PCDH15: variants seen among roughly 807,000 people sequenced by gnomAD.
PCDH15 encodes the protein protocadherin related 15, also known as protocadherin-15.
Under a neutral mutation model 178.5 loss-of-function variants are expected in PCDH15, and 129 were observed. The ratio of observed to expected loss-of-function variants is 0.72; its 90% CI spans 0.63 to 0.84. The LOEUF (loss-of-function observed/expected upper bound fraction) is 0.84, where lower values mean the gene tolerates loss of function less well. Among genes scored for constraint, PCDH15 ranks in the 40% least tolerant of loss-of-function variants. The pLI, the probability that PCDH15 is intolerant of heterozygous loss-of-function variation, is 0.00. For missense variants in PCDH15, 2,230 were observed against 2,099.9 expected (o/e 1.06, Z -1.21); for synonymous variants, 800 against 732.0 (o/e 1.09, Z -1.50).
chr10:53,932,510 G>GT (rs1426889144), intron 25 of PCDH15, among the ~76,000 whole-genome samples: 1 of 152,132 alleles, frequency 6.6e-6, no homozygotes, highest in African/African-American at 2.4e-5. Context: ...TAAGGGCAGC[G>GT]TTTTTTACTG....
chr10:55,059,204 A>T (rs1224255737), intron 2 of PCDH15, among the ~76,000 whole-genome samples: 1 of 152,104 alleles, frequency 6.6e-6, no homozygotes, highest in Non-Finnish European at 1.5e-5. Context: ...GTGACTATAT[A>T]AAAAAAGGAG....
At chr10:55,598,375 A>C (rs542230272) in intron 2 of PCDH15, among the ~76,000 whole-genome samples, 2 of 151,538 alleles carry the variant, frequency 1.3e-5, no homozygotes, top group South Asian at 2.1e-4. Flanking sequence ...AGAGTACTAC[A>C]TGCAGCAGCT....
chr10:55,523,346 T>C (rs1841228183), intron 2 of PCDH15, among the ~76,000 whole-genome samples: 1 of 151,552 alleles, frequency 6.6e-6, no homozygotes, highest in African/African-American at 2.4e-5. Flanking sequence ...TTTTTTAAAG[T>C]CTTTAAATTA....
intron 2 of PCDH15, among the ~76,000 whole-genome samples, chr10:54,929,948 A>G (rs1801768728): frequency 6.6e-6 from 1 of 152,188 alleles, no homozygotes; most frequent in Admixed American, 6.5e-5. Flanking sequence ...TCTTCCGTGA[A>G]GTTTACTTTT....
intron 3 of PCDH15, among the ~76,000 whole-genome samples, chr10:54,386,258 T>C (rs1414128497): frequency 6.6e-6 from 1 of 150,464 alleles, no homozygotes; most frequent in Admixed American, 6.6e-5. Flanking sequence ...TGATAGCTGA[T>C]GAGTTACAAA....
chr10:54,382,583 A>G (rs1949377699), intron 3 of PCDH15, among the ~76,000 whole-genome samples: 1 of 152,174 alleles, frequency 6.6e-6, no homozygotes, highest in African/African-American at 2.4e-5. Context: ...ATGTGGTTAC[A>G]TAACATGAGA....
intron 3 of PCDH15, among the ~76,000 whole-genome samples, chr10:54,397,448 G>T (rs2050999): frequency 0.27 from 40,257 of 151,844 alleles, 6,472 homozygotes; most frequent in East Asian, 0.82. Flanking sequence ...TGTTTCAAAA[G>T]AACTGAGTTC....
intron 1 of PCDH15, among the ~76,000 whole-genome samples, chr10:54,766,518 TC>T (rs1373316361): frequency 6.6e-6 from 1 of 151,538 alleles, no homozygotes; most frequent in Non-Finnish European, 1.5e-5. Flanking sequence ...AAATTTATAT[TC>T]CCCAGGTGAA....
At chr10:53,888,576 G>GTTT (rs71004492) in intron 26 of PCDH15, among the ~76,000 whole-genome samples, 1 of 39,448 alleles carries the variant, frequency 2.5e-5, no homozygotes, top group Non-Finnish European at 4.5e-5. Flanking sequence ...GATTTTGTCT[G>GTTT]TTTTTTTTTT....
intron 8 of PCDH15, among the ~76,000 whole-genome samples, chr10:54,293,529 C>T (rs4593907): frequency 0.26 from 39,180 of 152,038 alleles, 6,318 homozygotes; most frequent in Middle Eastern, 0.38. Context: ...AGTGAACAGG[C>T]AACCTACAGA....
intron 10 of PCDH15, among the ~76,000 whole-genome samples, chr10:54,198,434 T>C (rs1020199): frequency 0.22 from 33,261 of 149,900 alleles, 5,809 homozygotes; most frequent in African/African-American, 0.48. Flanking sequence ...GCAAGGCATT[T>C]TGAACAGATT....
intron 2 of PCDH15, chr10:54,607,013 T>G (rs900619828): frequency 6.6e-6 from 1 of 152,068 alleles, no homozygotes. Context: ...CACATAAAAA[T>G]ATAGTGAATT....
At chr10:55,433,251 T>C (rs766387421) in intron 2 of PCDH15, among the ~76,000 whole-genome samples, 1 of 152,186 alleles carries the variant, frequency 6.6e-6, no homozygotes, top group African/African-American at 2.4e-5. Context: ...GTATACCCCA[T>C]TGAATACTAC....
At chr10:54,112,073 G>T (rs2095035641) in intron 15 of PCDH15, among the ~76,000 whole-genome samples, 1 of 151,912 alleles carries the variant, frequency 6.6e-6, no homozygotes, top group South Asian at 2.1e-4. Flanking sequence ...AACCCAGGAG[G>T]TGGAGGTTGC....
chr10:55,345,466 C>T (rs1352751400), intron 2 of PCDH15, among the ~76,000 whole-genome samples: 1 of 152,008 alleles, frequency 6.6e-6, no homozygotes, highest in Non-Finnish European at 1.5e-5. Context: ...AGCACCACTT[C>T]AAAGCCCTAA....
chr10:55,066,821 T>C (rs1841578192), intron 2 of PCDH15, among the ~76,000 whole-genome samples: 1 of 151,384 alleles, frequency 6.6e-6, no homozygotes, highest in Admixed American at 6.6e-5. Context: ...CTAGTTTTAT[T>C]TGTGAGTGAA....
chr10:54,418,496 C>T (rs1430120126), intron 3 of PCDH15, among the ~76,000 whole-genome samples: 1 of 151,726 alleles, frequency 6.6e-6, no homozygotes, highest in Non-Finnish European at 1.5e-5. Context: ...CTAATCTACT[C>T]TTATCTAAAA....
At chr10:53,878,610 T>C (rs977774737) in intron 26 of PCDH15, among the ~76,000 whole-genome samples, 1 of 150,590 alleles carries the variant, frequency 6.6e-6, no homozygotes, top group Non-Finnish European at 1.5e-5. Context: ...TTATCTCTAC[T>C]AGGGAGTGCT....
chr10:55,556,809 C>G (rs564283336), intron 2 of PCDH15, among the ~76,000 whole-genome samples: 217 of 152,300 alleles, frequency 1.4e-3, no homozygotes, highest in Middle Eastern at 0.01. Flanking sequence ...CCACTGTACT[C>G]TATCGTGGGA....
Sources: allele counts gnomAD v4.1 joint callset (sites outside exome capture counted in the v4.1 genomes callset), GRCh38; gene constraint gnomAD v4.1.1; transcripts MANE v1.5; gene names NCBI Gene and HGNC (gene_info 2026-07-23, HGNC 2026-07-21).